Variants in FBLN1 observed in about 807,000 individuals in gnomAD.
FBLN1 encodes the protein fibulin 1.
Under a neutral mutation model 89.7 loss-of-function variants are expected in FBLN1, and 34 were observed. The ratio of observed to expected loss-of-function variants is 0.38; its 90% CI spans 0.29 to 0.50. The LOEUF (loss-of-function observed/expected upper bound fraction) is 0.50. Ranked by LOEUF, FBLN1 falls within the 20% of genes least tolerant of loss-of-function variation. FBLN1 has a pLI of 0.92. For missense variants in FBLN1, 777 were observed against 988.1 expected, an observed-to-expected ratio of 0.79 and a Z score of 2.86; for synonymous variants, 393 against 391.3, an observed-to-expected ratio of 1.00 and a Z score of -0.05.
intron 14 of FBLN1, among the ~76,000 whole-genome samples, chr22:45,566,442 T>TG (rs2088902282): frequency 6.6e-6 from 1 of 152,310 alleles, no homozygotes; most frequent in East Asian, 1.9e-4. Flanking sequence ...CGCAGCTCCT[T>TG]GGGGCTCCTT....
Position 45,518,675 on chromosome 22 carries a change from T to C in FBLN1, c.80-7T>C, listed in dbSNP as rs1230288923. On this transcript the variant is annotated splice_region_variant and splice_polypyrimidine_tract_variant and intron_variant, in intron 1 of 16. Coordinates refer to ENST00000327858, the MANE Select transcript of FBLN1 (RefSeq NM_006486.3). ...CCACCTCTCAGCTTGTTCTCTTCCC[T>C]GCACAGTGGACGCGGATGTCCTCCT... 6.3e-7 allele frequency: 1 copy of C among 1,593,878 alleles called. No homozygotes were observed.
chr22:45,575,035 G>A lies in FBLN1; in HGVS notation c.1840+382G>A, dbSNP rs2088984278. On this transcript the variant is annotated intron_variant, in intron 15 of 16. Coordinates refer to ENST00000327858, the MANE Select transcript of FBLN1 (RefSeq NM_006486.3). The surrounding 1 kb of genome is among the most constrained non-coding windows in gnomAD (Gnocchi z 6.3). Reference sequence around the variant, plus strand: ...CTGACCTCATGATCCACCCGCCTCAGCCTCCCAAAGTGCTGGGATTACAGG... The same window carrying A: ...CTGACCTCATGATCCACCCGCCTCAACCTCCCAAAGTGCTGGGATTACAGG... Among the ~76,000 whole-genome samples, 1 of 152,106 alleles carries A rather than the reference G, an allele frequency of 6.6e-6. No homozygotes were observed. The highest frequency in any genetic ancestry group is 1.5e-5 in the Non-Finnish European group (1 of 68,012).
chr22:45,588,777 G>C lies in FBLN1; in HGVS notation c.1973-11530G>C, dbSNP rs547706033. On this transcript the variant is annotated intron_variant, in intron 16 of 16. Transcript: ENST00000327858. The surrounding 1 kb of genome is among the most constrained non-coding windows in gnomAD (Gnocchi z 5.1). ...TCTTTTTTAAAAATGAAATGTTTTA[G>C]CCAAACAGCAGTAGAGGCATGTTGT... 3.7e-3 allele frequency among the ~76,000 whole-genome samples: 548 copies of C among 147,516 alleles called. 2 individuals are homozygous for C. Among genetic ancestry groups the C allele is most frequent in the African/African-American group, 0.013 (506 of 39,236 alleles).
At position 45,577,067 on chromosome 22, in the gene FBLN1, C is replaced by T; in HGVS notation, c.1931C>T (p.Ser644Phe). The change falls in exon 16 of 17, where the codon TCT becomes TTT. Residue 644 changes from serine (S) to phenylalanine (F), a missense_variant. Ser to Phe is a radical substitution (Grantham distance 155). Transcript: ENST00000327858. The surrounding 1 kb of genome is among the most constrained non-coding windows in gnomAD (Gnocchi z 6.6). The part of the protein sequence containing the change: ...FDITEGNLRD[S>F]FDIIKRYMDG... ...ATCACGGAAGGGAACCTGCGGGACT[C>T]TTTTGACATCATCAAGCGTTACATG... 1 of 1,614,170 alleles carries T rather than the reference C, an allele frequency of 6.2e-7. No individual in the cohort carries two copies. Among genetic ancestry groups the T allele is most frequent in the Non-Finnish European group, 8.5e-7 (1 of 1,180,034 alleles).
chr22:45,594,772 A>T (rs2089169855), intron 16 of FBLN1, among the ~76,000 whole-genome samples: 1 of 140,718 alleles, frequency 7.1e-6, no homozygotes, highest in Admixed American at 7.0e-5. Context: ...ATGGATGAGC[A>T]GATGGTTGGG....
chr22:45,515,176 G>A (rs1345200259), intron 1 of FBLN1, among the ~76,000 whole-genome samples: 1 of 152,210 alleles, frequency 6.6e-6, no homozygotes, highest in African/African-American at 2.4e-5. Flanking sequence ...ATTGGTGAGT[G>A]TTACAGTGAG....
At chr22:45,533,935 C>T in intron 7 of FBLN1, 37 bp downstream of exon 7, 1 of 1,612,760 alleles carries the variant, frequency 6.2e-7, no homozygotes, top group Non-Finnish European at 8.5e-7. Context: ...ACCTGGTCTT[C>T]CAGGCGTAGA....
chr22:45,549,492 G>A lies in FBLN1; in HGVS notation c.1573+748G>A, dbSNP rs1403018080. 1.3e-5 allele frequency among the ~76,000 whole-genome samples: 2 copies of A among 152,186 alleles called. No homozygotes were observed. The highest frequency in any genetic ancestry group is 2.9e-5 in the Non-Finnish European group (2 of 68,040). On this transcript the variant is annotated intron_variant, in intron 13 of 16. Transcript: ENST00000327858. This position sits in a 1 kb window ranked among gnomAD's most constrained non-coding sequence, Gnocchi z 5.7. ...CTTTGATGAAAGGCAGGCAGGAGCT[G>A]CGGTGTTTCCTGGGAGGCCCCCTCC...
In FBLN1 at chr22:45,577,754, G is replaced by A. The variant is rs1207411548; in HGVS notation, c.1972+646G>A. Reference sequence around the variant, plus strand: ...GGAGGCTGGGGCATGAGGGGACTGTGGAAGTCCTGTTGGTGGGTGCAGGCT... The same window carrying A: ...GGAGGCTGGGGCATGAGGGGACTGTAGAAGTCCTGTTGGTGGGTGCAGGCT... On this transcript the variant is annotated intron_variant, in intron 16 of 16. Coordinates refer to ENST00000327858, the MANE Select transcript of FBLN1 (RefSeq NM_006486.3). The surrounding 1 kb of genome is among the most constrained non-coding windows in gnomAD (Gnocchi z 6.6). Among the ~76,000 whole-genome samples the A allele has an allele frequency of 6.6e-6, 1 of 152,220 alleles. No individual in the cohort carries two copies. The highest frequency in any genetic ancestry group is 2.4e-5 in the African/African-American group (1 of 41,458).
At chr22:45,559,953 G>A (rs368748060) in intron 14 of FBLN1, among the ~76,000 whole-genome samples, 2 of 152,218 alleles carry the variant, frequency 1.3e-5, no homozygotes, top group East Asian at 3.9e-4. Context: ...GAAATTGATT[G>A]AGGGGCCGTG....
chr22:45,592,095 C>T (rs933124442), intron 16 of FBLN1, among the ~76,000 whole-genome samples: 1 of 152,180 alleles, frequency 6.6e-6, no homozygotes, highest in Non-Finnish European at 1.5e-5. Context: ...CGGAAACCTG[C>T]GGCCCTGTTA....
chr22:45,596,470 C>G (rs1273569735), intron 16 of FBLN1, among the ~76,000 whole-genome samples: 1 of 152,018 alleles, frequency 6.6e-6, no homozygotes, highest in Non-Finnish European at 1.5e-5. Context: ...TGCATTGGAA[C>G]TGTTGATAAT....
At chr22:45,529,632 G>A (rs929064622) in intron 4 of FBLN1, among the ~76,000 whole-genome samples, 2 of 152,190 alleles carry the variant, frequency 1.3e-5, no homozygotes, top group Non-Finnish European at 2.9e-5. Flanking sequence ...TTGGGAGGCC[G>A]AGGCAGGCGG....
Position 45,557,510 on chromosome 22 carries a change from A to G in FBLN1, c.1697+6895A>G, listed in dbSNP as rs2088803931. Among the ~76,000 whole-genome samples, 2 of 152,150 alleles carry G rather than the reference A, an allele frequency of 1.3e-5. No homozygotes were observed. Among genetic ancestry groups the G allele is most frequent in the South Asian group, 2.1e-4 (1 of 4,826 alleles). On this transcript the variant is annotated intron_variant, in intron 14 of 16. Transcript: ENST00000327858. The surrounding 1 kb of genome is among the most constrained non-coding windows in gnomAD (Gnocchi z 4.9). ...GGTCAGCCTTGGTGAGTGGAAGTCC[A>G]TGTTGCTGAGCCCATGTGTAACCTC...
chr22:45,564,770 C>T (rs994400510), intron 14 of FBLN1: 6 of 1,267,794 alleles, frequency 4.7e-6, no homozygotes, highest in South Asian at 2.5e-5. Context: ...CAAGACATCT[C>T]GCGTGCAGAA....
At position 45,530,747 on chromosome 22, in the gene FBLN1, G is replaced by A. The variant is rs553157202; in HGVS notation, c.485-518G>A. ...TCAATGATTACAGGCCTTTGTGTCT[G>A]TGGTCTTTCTGTTATAACTGATCTT... On this transcript the variant is annotated intron_variant, in intron 4 of 16. Coordinates refer to ENST00000327858, the MANE Select transcript of FBLN1 (RefSeq NM_006486.3). This position sits in a 1 kb window ranked among gnomAD's most constrained non-coding sequence, Gnocchi z 5.4. 6.6e-5 allele frequency among the ~76,000 whole-genome samples: 10 copies of A among 151,626 alleles called. No individual in the cohort carries two copies. The South Asian group carries it at 1.5e-3, about 22-fold the overall frequency.
At position 45,561,182 on chromosome 22, in the gene FBLN1, A is replaced by G. The variant is rs557442044; in HGVS notation, c.1697+10567A>G. Among the ~76,000 whole-genome samples the G allele has an allele frequency of 5.9e-5, 9 of 152,308 alleles. No individual in the cohort carries two copies. The East Asian group carries it at 1.7e-3, about 29-fold the overall frequency. ...AGACACCTGGCGAGGCTGTGCATGC[A>G]TCTTTCATTGCAGGTCAGCCACTCG... is the stretch of plus-strand genomic sequence containing the variant. On this transcript the variant is annotated intron_variant, in intron 14 of 16. Transcript: ENST00000327858. This position sits in a 1 kb window ranked among gnomAD's most constrained non-coding sequence, Gnocchi z 4.7.
intron 11 of FBLN1, 139 bp from the exon 12 acceptor site, chr22:45,546,945 AC>A: frequency 1.4e-5 from 19 of 1,357,112 alleles, no homozygotes; most frequent in Non-Finnish European, 1.5e-5. Flanking sequence ...CCTCGGCCAC[AC>A]CCCCCGGGAC....
At chr22:45,522,231 A>C (rs1482399756) in intron 2 of FBLN1, among the ~76,000 whole-genome samples, 2 of 152,064 alleles carry the variant, frequency 1.3e-5, no homozygotes, top group Non-Finnish European at 2.9e-5. Flanking sequence ...AAGTGATTGG[A>C]CGCCTCAGCC....
Sources: gnomAD v4.1 joint callset for allele counts (sites outside exome capture counted in the v4.1 genomes callset) on GRCh38, gnomAD v4.1.1 for gene constraint, Gnocchi (gnomAD v3.1) non-coding constraint, MANE v1.5 for transcripts, NCBI Gene and HGNC (gene_info 2026-07-23, HGNC 2026-07-21) for gene names.